The following TANC2 variants were observed in gnomAD, a reference collection of about 807,000 sequenced individuals.
TANC2 encodes the protein protein TANC2.
TANC2 carries 26 observed loss-of-function variants against 210.5 expected under a neutral mutation model. The observed-to-expected ratio is 0.12, with a 90% confidence interval of 0.09 to 0.17. The LOEUF (loss-of-function observed/expected upper bound fraction) is 0.17, where lower values mean the gene tolerates loss of function less well. Ranked by LOEUF, TANC2 falls within the 10% of genes least tolerant of loss-of-function variation. TANC2 has a pLI of 1.00. For missense variants in TANC2, 2,129 were observed against 2,608.9 expected (o/e 0.82, Z 4.01); for synonymous variants, 931 against 967.1 (o/e 0.96, Z 0.69).
intron 11 of TANC2, among the ~76,000 whole-genome samples, chr17:63,329,232 A>G (rs2045756372): frequency 6.6e-6 from 1 of 152,190 alleles, no homozygotes; most frequent in South Asian, 2.1e-4. Context: ...ATTATAGCAT[A>G]TACTACAGAT....
exon 20 of TANC2, chr17:63,405,247 C>T (rs1377882035): frequency 1.3e-6 from 2 of 1,577,606 alleles, no homozygotes; most frequent in Non-Finnish European, 1.7e-6. Flanking sequence ...GCGCCAGGGC[C>T]ACTGGCAGGT....
intron 7 of TANC2, among the ~76,000 whole-genome samples, chr17:63,222,182 A>G (rs894566556): frequency 2.0e-5 from 3 of 152,068 alleles, no homozygotes; most frequent in African/African-American, 2.4e-5. Context: ...TTTTTGGTAC[A>G]CTTATATTGG....
At chr17:63,155,631 T>C (rs973859711) in intron 5 of TANC2, among the ~76,000 whole-genome samples, 1 of 152,190 alleles carries the variant, frequency 6.6e-6, no homozygotes, top group Non-Finnish European at 1.5e-5. Context: ...GGCAGGCTTT[T>C]ATCAACACCA....
At chr17:63,295,509 A>G (rs1182721414) in intron 9 of TANC2, among the ~76,000 whole-genome samples, 1 of 152,198 alleles carries the variant, frequency 6.6e-6, no homozygotes, top group African/African-American at 2.4e-5. Flanking sequence ...ACCTGAAGAG[A>G]TAAGTCTATT....
intron 1 of TANC2, among the ~76,000 whole-genome samples, chr17:63,000,554 A>G (rs940189539): frequency 2.0e-5 from 3 of 152,202 alleles, no homozygotes; most frequent in Non-Finnish European, 4.4e-5. Context: ...AGTGTCACAA[A>G]CATAAAAGCT....
chr17:62,989,831 G>A (rs2032766381), intron 1 of TANC2, among the ~76,000 whole-genome samples: 1 of 148,252 alleles, frequency 6.7e-6, no homozygotes, highest in Non-Finnish European at 1.5e-5. Flanking sequence ...GAGTGCAGTG[G>A]CGCAATCTTG....
intron 9 of TANC2, among the ~76,000 whole-genome samples, chr17:63,309,335 A>T (rs2045038435): frequency 6.6e-6 from 1 of 152,200 alleles, no homozygotes; most frequent in Non-Finnish European, 1.5e-5. Flanking sequence ...TAACTGAAGA[A>T]ACTAATATTT....
At chr17:63,272,590 A>G (rs1033109700) in intron 9 of TANC2, among the ~76,000 whole-genome samples, 1 of 152,180 alleles carries the variant, frequency 6.6e-6, no homozygotes, top group Non-Finnish European at 1.5e-5. Flanking sequence ...ATTCATGAGC[A>G]TGAAATTTTT....
At chr17:63,293,968 G>A (rs1238698064) in intron 9 of TANC2, among the ~76,000 whole-genome samples, 7 of 152,028 alleles carry the variant, frequency 4.6e-5, no homozygotes, top group Non-Finnish European at 1.0e-4. Flanking sequence ...GGCTCAAGCA[G>A]TCTTCCCACC....
At chr17:63,152,471 G>T (rs1016013172) in intron 5 of TANC2, 4 of 152,038 alleles carry the variant, frequency 2.6e-5, no homozygotes, top group African/African-American at 9.7e-5. Context: ...TTCCTTCGGG[G>T]TATTGAAACG....
chr17:63,038,532 A>G (rs1441076359), intron 2 of TANC2, among the ~76,000 whole-genome samples: 1 of 152,124 alleles, frequency 6.6e-6, no homozygotes, highest in African/African-American at 2.4e-5. Flanking sequence ...TTCCGTCCTC[A>G]TAAAATGAAT....
intron 7 of TANC2, among the ~76,000 whole-genome samples, chr17:63,235,787 T>G (rs1013434541): frequency 6.6e-6 from 1 of 152,042 alleles, no homozygotes; most frequent in Non-Finnish European, 1.5e-5. Flanking sequence ...TGAACTAACA[T>G]ATAAAAACTC....
rs534900697 is a variant in TANC2, at chr17:63,342,367, A to G, written c.1807+2035A>G. Reference sequence around the variant, plus strand: ...TTGTAAAATTCAGCTTTTATCCTTCATAGTGGTTACCTCACCTTGAACATA... The same window carrying G: ...TTGTAAAATTCAGCTTTTATCCTTCGTAGTGGTTACCTCACCTTGAACATA... On this transcript the variant is annotated intron_variant, in intron 12 of 27. Transcript: ENST00000689528. 2.6e-5 allele frequency among the ~76,000 whole-genome samples: 4 copies of G among 152,282 alleles called. No homozygotes were observed. The South Asian group carries it at 6.2e-4, about 24-fold the overall frequency.
chr17:63,139,349 G>A (rs777885127), intron 4 of TANC2, among the ~76,000 whole-genome samples: 2 of 152,112 alleles, frequency 1.3e-5, no homozygotes, highest in Non-Finnish European at 2.9e-5. Context: ...GAGTTTGGCC[G>A]GGTGCAGTGG....
At chr17:63,328,905 C>A (rs1459393672) in intron 11 of TANC2, among the ~76,000 whole-genome samples, 8 of 152,068 alleles carry the variant, frequency 5.3e-5, no homozygotes, top group Admixed American at 5.2e-4. Flanking sequence ...TAAATGTATG[C>A]AATTATGATT....
At position 63,421,724 on chromosome 17, in the gene TANC2, G is replaced by C. The variant is rs780359922; in HGVS notation, c.5994G>C (p.Leu1998Phe). Residue 1998 changes from leucine (L) to phenylalanine (F), a missense_variant, in exon 28 of 28, where the codon TTG becomes TTC. By Grantham distance (22) the Leu-to-Phe change is conservative (BLOSUM62 0). Around this residue, in one of 5 missense-constraint regions of TANC2, gnomAD observed 161 missense variants for 178.6 expected, o/e 0.90. Coordinates refer to ENST00000689528, the Ensembl canonical transcript of TANC2. The surrounding 1 kb of genome is among the most constrained non-coding windows in gnomAD (Gnocchi z 6.9). ...CCAACAATGCACAGAATGGCCATTT[G>C]CTGGAGGACGATTATTACAGCCCCC... is the stretch of plus-strand genomic sequence containing the variant. The C allele has an allele frequency of 6.2e-6, 10 of 1,614,014 alleles. No homozygotes were observed. The highest frequency in any genetic ancestry group is 8.5e-6 in the Non-Finnish European group (10 of 1,179,902).
intron 2 of TANC2, among the ~76,000 whole-genome samples, chr17:63,050,860 C>A (rs2035557649): frequency 6.6e-6 from 1 of 152,158 alleles, no homozygotes; most frequent in South Asian, 2.1e-4. Context: ...AAATTGATGG[C>A]AGCGATTAAA....
intron 10 of TANC2, among the ~76,000 whole-genome samples, chr17:63,316,543 G>A (rs1392946976): frequency 6.6e-6 from 1 of 152,076 alleles, no homozygotes; most frequent in Non-Finnish European, 1.5e-5. Context: ...ATTGCCTTCA[G>A]GAGAATCTCC....
chr17:63,204,918 C>A (rs1165162927), intron 7 of TANC2, among the ~76,000 whole-genome samples: 1 of 151,844 alleles, frequency 6.6e-6, no homozygotes, highest in Non-Finnish European at 1.5e-5. Context: ...AACCCCATCT[C>A]CACTAGAAAT....
Sources: gnomAD v4.1 joint callset for allele counts (sites outside exome capture counted in the v4.1 genomes callset) on GRCh38, gnomAD v4.1.1 for gene constraint, gnomAD v4.1.1 regional missense constraint, Gnocchi (gnomAD v3.1) non-coding constraint, MANE v1.5 for transcripts, NCBI Gene and HGNC (gene_info 2026-07-23, HGNC 2026-07-21) for gene names.